Variants in WDFY4 observed in about 807,000 individuals in gnomAD.
WDFY4 encodes the protein WDFY family member 4, also known as WD repeat- and FYVE domain-containing protein 4.
Under a neutral mutation model 351.9 loss-of-function variants are expected in WDFY4, and 169 were observed. That is an observed-to-expected ratio of 0.48 (90% CI 0.42 to 0.55). WDFY4 has a LOEUF of 0.55. WDFY4 is among the 20% of genes least tolerant of loss of function. The pLI, the probability that WDFY4 is intolerant of heterozygous loss-of-function variation, is 0.00. For missense variants in WDFY4, 3,803 were observed against 3,935.6 expected (o/e 0.97, Z 0.90); for synonymous variants, 1,622 against 1,574.6 (o/e 1.03, Z -0.71).
At chr10:48,973,215 C>T (rs1255106918) in intron 57 of WDFY4, among the ~76,000 whole-genome samples, 3 of 152,324 alleles carry the variant, frequency 2.0e-5, no homozygotes, top group African/African-American at 7.2e-5. Flanking sequence ...TTTGGCATTG[C>T]TATTTCCCCT....
At chr10:48,897,615 G>A in intron 45 of WDFY4, 41 bp downstream of exon 45, 1 of 1,533,742 alleles carries the variant, frequency 6.5e-7, no homozygotes, top group Non-Finnish European at 8.8e-7. Context: ...GCCTGCGAGA[G>A]GCAGGGCCAT....
chr10:48,819,117 G>A (rs1371557079), intron 32 of WDFY4, among the ~76,000 whole-genome samples: 1 of 152,244 alleles, frequency 6.6e-6, no homozygotes, highest in Non-Finnish European at 1.5e-5. Context: ...TGCTCCCCAT[G>A]GTCAGCAGTT....
chr10:48,796,385 C>G lies in WDFY4; in HGVS notation c.4345C>G (p.Leu1449Val), dbSNP rs759880482. ...CCTCTCAGTGGCTGGCACTGTGGAGCTGGGCTTCAGGTCATCTGCTATCAC... is the reference window on the plus strand; with the variant it reads ...CCTCTCAGTGGCTGGCACTGTGGAGGTGGGCTTCAGGTCATCTGCTATCAC... ...LILSVAGTVE[L>V]GFRSSAITNT... Residue 1449 changes from leucine (L) to valine (V), a missense_variant, in exon 24 of 62, where the codon CTG becomes GTG. By Grantham distance (32) the Leu-to-Val change is conservative. This residue lies in a region of WDFY4 where 3,054 missense variants were observed against 3,148.6 expected (regional missense o/e 0.97). Transcript: ENST00000325239. 3.5e-5 allele frequency: 55 copies of G among 1,551,922 alleles called. No individual in the cohort carries two copies. Among genetic ancestry groups the G allele is most frequent in the Non-Finnish European group, 4.8e-5 (55 of 1,146,944 alleles).
At chr10:48,779,905 C>A (rs1185720303) in intron 18 of WDFY4, 36 bp from the exon 19 acceptor site, 1 of 1,549,528 alleles carries the variant, frequency 6.5e-7, no homozygotes, top group Non-Finnish European at 8.7e-7. Context: ...CAGTGTAGCA[C>A]CACACGTGAG....
chr10:48,910,409 A>G, intron 47 of WDFY4: 1 of 719,772 alleles, frequency 1.4e-6, no homozygotes, highest in South Asian at 1.6e-5. Flanking sequence ...GTATTTGAGG[A>G]AAGAGAACAC....
intron 39 of WDFY4, among the ~76,000 whole-genome samples, chr10:48,863,552 C>T (rs1273137181): frequency 6.6e-6 from 1 of 151,994 alleles, no homozygotes; most frequent in Admixed American, 6.6e-5. Flanking sequence ...GATTATTTTT[C>T]TTTTTATTAT....
intron 51 of WDFY4, among the ~76,000 whole-genome samples, chr10:48,947,634 G>T (rs1011866461): frequency 2.6e-5 from 4 of 152,194 alleles, no homozygotes; most frequent in African/African-American, 9.7e-5. Context: ...AGGCATGGGG[G>T]ATTTCTGGGA....
chr10:48,807,932 T>C lies in WDFY4; in HGVS notation c.4812T>C (p.Ser1604=). Reference sequence around the variant, plus strand: ...TGGAGATGCTGCTCAGTGTAATATCTTCCCCCCAGCTTCATCTGTCCTCTG... The same window carrying C: ...TGGAGATGCTGCTCAGTGTAATATCCTCCCCCCAGCTTCATCTGTCCTCTG... The part of the protein sequence containing the change: ...QLLEMLLSVI[S]SPQLHLSSES... Residue 1604 remains serine (S), a synonymous_variant, in exon 28 of 62, where the codon TCT becomes TCC. Coordinates refer to ENST00000325239, the MANE Select transcript of WDFY4 (RefSeq NM_001394531.1). The C allele has an allele frequency of 6.5e-7, 1 of 1,549,012 alleles. No homozygotes were observed. Among genetic ancestry groups the C allele is most frequent in the Non-Finnish European group, 8.7e-7 (1 of 1,146,064 alleles).
At chr10:48,784,260 T>C (rs2066320657) in intron 19 of WDFY4, among the ~76,000 whole-genome samples, 1 of 152,230 alleles carries the variant, frequency 6.6e-6, no homozygotes, top group African/African-American at 2.4e-5. Flanking sequence ...TATAAGAAAC[T>C]GCCAAACTAT....
At chr10:48,709,582 T>C in intron 1 of WDFY4, 134 bp from the exon 2 acceptor site, 2 of 717,962 alleles carry the variant, frequency 2.8e-6, no homozygotes, top group East Asian at 5.4e-5. Context: ...TTCCTTATTT[T>C]AGTCTGTTTC....
At chr10:48,901,688 G>A in intron 46 of WDFY4, 113 bp from the exon 47 acceptor site, 2 of 1,167,126 alleles carry the variant, frequency 1.7e-6, no homozygotes, top group Non-Finnish European at 1.2e-6. Context: ...GCAGGATGGA[G>A]CGAGGGGGAG....
At chr10:48,860,867 T>C (rs939932625) in intron 39 of WDFY4, among the ~76,000 whole-genome samples, 1 of 152,218 alleles carries the variant, frequency 6.6e-6, no homozygotes, top group African/African-American at 2.4e-5. Context: ...TTTGATTCAA[T>C]TATGTATCGA....
chr10:48,912,470 C>T (rs1838093184), intron 47 of WDFY4, among the ~76,000 whole-genome samples: 3 of 152,236 alleles, frequency 2.0e-5, no homozygotes. Context: ...TGGCTTTTCT[C>T]TTTGCCAGGC....
chr10:48,784,099 G>A (rs1472450922), intron 19 of WDFY4, among the ~76,000 whole-genome samples: 1 of 152,204 alleles, frequency 6.6e-6, no homozygotes, highest in Non-Finnish European at 1.5e-5. Context: ...TCCATTGAAA[G>A]ACATCTGGGA....
At chr10:48,957,043 G>A (rs973844474) in intron 51 of WDFY4, 86 bp from the exon 52 acceptor site, 49 of 1,486,244 alleles carry the variant, frequency 3.3e-5, no homozygotes, top group East Asian at 9.9e-5. Flanking sequence ...GGTGGAACCC[G>A]TGCCTCTGAG....
At chr10:48,818,602 C>T (rs1464179034) in intron 32 of WDFY4, among the ~76,000 whole-genome samples, 3 of 152,164 alleles carry the variant, frequency 2.0e-5, no homozygotes, top group East Asian at 1.9e-4. Context: ...TAACAAGAGA[C>T]GGAGCCAAAG....
intron 54 of WDFY4, 102 bp from the exon 55 acceptor site, chr10:48,966,424 T>A: frequency 2.3e-6 from 3 of 1,320,196 alleles, no homozygotes; most frequent in Non-Finnish European, 3.1e-6. Context: ...CAAGCCGAGC[T>A]GTGGCAACCC....
At chr10:48,685,182 G>T (rs181086549) in intron 1 of WDFY4, among the ~76,000 whole-genome samples, 181 bp downstream of exon 1, 1 of 152,234 alleles carries the variant, frequency 6.6e-6, no homozygotes, top group African/African-American at 2.4e-5. Context: ...CAGGAAGTGT[G>T]TGTGGCGTGG....
At chr10:48,705,962 A>G (rs2063616048) in intron 1 of WDFY4, among the ~76,000 whole-genome samples, 1 of 152,154 alleles carries the variant, frequency 6.6e-6, no homozygotes, top group Non-Finnish European at 1.5e-5. Context: ...CACAGAATGA[A>G]CTTTATATGG....
Sources: allele counts gnomAD v4.1 joint callset (sites outside exome capture counted in the v4.1 genomes callset), GRCh38; gene constraint gnomAD v4.1.1; regional missense constraint gnomAD v4.1.1; transcripts MANE v1.5; gene names NCBI Gene and HGNC (gene_info 2026-07-23, HGNC 2026-07-21).